DNAI4: variants seen among roughly 807,000 people sequenced by gnomAD.
DNAI4 encodes dynein axonemal intermediate chain 4.
A neutral mutation model predicts 105.8 loss-of-function variants in DNAI4; 85 were observed. The observed-to-expected ratio is 0.80, with a 90% CI of 0.67 to 0.96. The LOEUF (loss-of-function observed/expected upper bound fraction) is 0.96, where lower values mean the gene tolerates loss of function less well. Among genes scored for constraint, DNAI4 ranks in the 40% least tolerant of loss-of-function variants. DNAI4 has a pLI of 0.00. For synonymous variants in DNAI4, 352 were observed against 331.5 expected (o/e 1.06, Z -0.67); for missense variants, 1,014 against 1,005.6 (o/e 1.01, Z -0.11).
chr1:66,824,842 T>C (rs141453829), intron 15 of DNAI4, among the ~76,000 whole-genome samples: 1 of 152,316 alleles, frequency 6.6e-6, no homozygotes, highest in African/African-American at 2.4e-5. Context: ...CCCTCCATAA[T>C]GTGGGTAGGC....
At chr1:66,907,352 T>C (rs1415228908) in intron 1 of DNAI4, among the ~76,000 whole-genome samples, 2 of 152,184 alleles carry the variant, frequency 1.3e-5, no homozygotes, top group Non-Finnish European at 2.9e-5. Context: ...TTCTCTTTTC[T>C]CTATTAATCT....
chr1:66,826,154 TC>T (rs905976107), intron 15 of DNAI4, among the ~76,000 whole-genome samples: 1 of 152,206 alleles, frequency 6.6e-6, no homozygotes, highest in African/African-American at 2.4e-5. Flanking sequence ...GTCCCTTTTT[TC>T]TACTGTAGAA....
Position 66,828,692 on chromosome 1 carries a change from C to T in DNAI4, c.2014-782G>A, listed in dbSNP as rs1482795918. The T allele has an allele frequency of 3.3e-5, 5 of 152,204 alleles. No individual in the cohort carries two copies. In the South Asian group the frequency reaches 8.3e-4, roughly 25 times the overall value. The allele number at this position is 152,204 out of a possible 1,614,324, so 9.4% of individuals were successfully genotyped here. On this transcript the variant is annotated intron_variant, in intron 13 of 16. Coordinates refer to ENST00000371026, the MANE Select transcript of DNAI4 (RefSeq NM_024763.5). ...CTATAACATGTTATAAATATCTTCT[C>T]TCAGTGTATGATTTACCTTTTTATT... is the stretch of plus-strand genomic sequence containing the variant.
At chr1:66,816,524 T>C (rs1056039422) in intron 16 of DNAI4, among the ~76,000 whole-genome samples, 1 of 152,146 alleles carries the variant, frequency 6.6e-6, no homozygotes, top group African/African-American at 2.4e-5. Context: ...AGAAAAGGTA[T>C]ATCATTAACA....
intron 4 of DNAI4, among the ~76,000 whole-genome samples, chr1:66,875,965 G>A (rs1646950407): frequency 6.6e-6 from 1 of 152,074 alleles, no homozygotes; most frequent in Non-Finnish European, 1.5e-5. Flanking sequence ...AACATGATCT[G>A]TACTATGGTA....
chr1:66,820,248 CAA>C (rs58001932), intron 16 of DNAI4, among the ~76,000 whole-genome samples: 7 of 150,314 alleles, frequency 4.7e-5, no homozygotes, highest in African/African-American at 9.8e-5. Context: ...ATGCATTTTG[CAA>C]AAAAAAATAC....
intron 1 of DNAI4, among the ~76,000 whole-genome samples, chr1:66,917,256 G>A (rs992073080): frequency 8.5e-5 from 13 of 152,162 alleles, no homozygotes; most frequent in African/African-American, 2.9e-4. Flanking sequence ...AATTGTAATT[G>A]TTGTTAAATT....
chr1:66,880,307 T>A (rs1647041424), intron 4 of DNAI4, among the ~76,000 whole-genome samples: 3 of 152,196 alleles, frequency 2.0e-5, no homozygotes, highest in Admixed American at 6.5e-5. Context: ...TGGAACTGGA[T>A]AACAGACAGA....
chr1:66,889,267 G>A (rs190697549), intron 4 of DNAI4, among the ~76,000 whole-genome samples: 21 of 152,220 alleles, frequency 1.4e-4, no homozygotes, highest in East Asian at 3.9e-4. Flanking sequence ...TAAAGGAAGC[G>A]GAATGGCTTC....
In DNAI4 at chr1:66,822,431, A is replaced by G; in HGVS notation, c.2426T>C (p.Val809Ala). Reference sequence around the variant, plus strand: ...AGAAACCTGTCCATCACTGTCTCCTACCAGAAGGCAATCTGTTTGTTTGGC... The same window carrying G: ...AGAAACCTGTCCATCACTGTCTCCTGCCAGAAGGCAATCTGTTTGTTTGGC... ...LFAKQTDCLL[V>A]GDSDGQVSVY... The change falls in exon 16 of 17, where the codon GTA (valine) becomes GCA (alanine). Residue 809 changes from valine to alanine, a missense_variant. By Grantham distance (64) the Val-to-Ala change is moderately conservative. Transcript: ENST00000371026. The G allele has an allele frequency of 6.2e-7, 1 of 1,613,704 alleles. No homozygotes were observed.
intron 3 of DNAI4, among the ~76,000 whole-genome samples, 154 bp downstream of exon 3, chr1:66,893,061 GAGAGAAAGAAAGAA>G (rs902829353): frequency 2.1e-5 from 2 of 93,580 alleles, no homozygotes; most frequent in South Asian, 3.0e-4. Context: ...GAAAGAGAGA[GAGAGAAAGAAAGAA>G]AGAAAGAAAG....
chr1:66,825,221 G>T (rs1645725804), intron 15 of DNAI4, among the ~76,000 whole-genome samples: 1 of 146,258 alleles, frequency 6.8e-6, no homozygotes, highest in African/African-American at 2.5e-5. Flanking sequence ...CGCCCAGGCG[G>T]GACTGCGGAC....
intron 4 of DNAI4, among the ~76,000 whole-genome samples, chr1:66,881,279 C>T (rs567500690): frequency 5.3e-5 from 8 of 152,332 alleles, no homozygotes; most frequent in Non-Finnish European, 1.0e-4. Context: ...CCACCATCCT[C>T]CAGACCCCAG....
chr1:66,830,780 CA>C (rs1185319040), intron 13 of DNAI4, among the ~76,000 whole-genome samples: 9 of 135,936 alleles, frequency 6.6e-5, no homozygotes, highest in African/African-American at 8.3e-5. Context: ...GACCCTGTCT[CA>C]AAAAAAAATA....
chr1:66,825,005 T>C (rs1347685655), intron 15 of DNAI4, among the ~76,000 whole-genome samples: 1 of 152,148 alleles, frequency 6.6e-6, no homozygotes, highest in Non-Finnish European at 1.5e-5. Flanking sequence ...ATTTCATACT[T>C]GATAGGACCC....
intron 1 of DNAI4, 32 bp downstream of exon 1, chr1:66,924,630 G>T (rs1329228710): frequency 6.2e-7 from 1 of 1,614,218 alleles, no homozygotes; most frequent in South Asian, 1.1e-5. Context: ...GTCCCAGGGG[G>T]ATGGACTACG....
chr1:66,909,318 A>ACACACACACACC (rs1649487701), intron 1 of DNAI4, among the ~76,000 whole-genome samples: 1 of 151,380 alleles, frequency 6.6e-6, no homozygotes, highest in African/African-American at 2.4e-5. Flanking sequence ...ACACACACAC[A>ACACACACACACC]CACAGTCTCT....
intron 16 of DNAI4, among the ~76,000 whole-genome samples, chr1:66,816,727 TCACACACACACACACACACACA>T (rs57920483): frequency 1.5e-5 from 2 of 137,692 alleles, no homozygotes; most frequent in Admixed American, 7.4e-5. Context: ...AGCCTTGAAA[TCACACACACACACACACACACA>T]CACACACACA....
At position 66,847,597 on chromosome 1, in the gene DNAI4, G is replaced by A. The variant is rs754836589; in HGVS notation, c.1178C>T (p.Ala393Val). The A allele has an allele frequency of 6.2e-6, 10 of 1,613,684 alleles. No individual in the cohort carries two copies. The highest frequency in any genetic ancestry group is 8.5e-6 in the Non-Finnish European group (10 of 1,179,776). The change falls in exon 8 of 17, where the codon GCA becomes GTA. Residue 393 changes from alanine (A) to valine (V), a missense_variant. Physicochemically the swap from Ala to Val is moderately conservative, Grantham distance 64 (BLOSUM62 0). Transcript: ENST00000371026. ...ATGAAATTTGTCAGATTTTAATATT[G>A]CATCTGAGTGGTCTTCCTCATCTTC... ...IHEDEEDHSD[A>V]ILKSDKFHQD...
Sources: gnomAD v4.1 joint callset for allele counts (sites outside exome capture counted in the v4.1 genomes callset) on GRCh38, gnomAD v4.1.1 for gene constraint, MANE v1.5 for transcripts, NCBI Gene and HGNC (gene_info 2026-07-23, HGNC 2026-07-21) for gene names.